Variants in NAV3 observed in about 807,000 individuals in gnomAD.
NAV3 encodes the protein neuron navigator 3.
NAV3 carries 87 observed loss-of-function variants against 244.7 expected under a neutral mutation model. The ratio of observed to expected loss-of-function variants is 0.36; its 90% confidence interval spans 0.30 to 0.42. The LOEUF (loss-of-function observed/expected upper bound fraction) is 0.42. Ranked by LOEUF, NAV3 falls within the 20% of genes least tolerant of loss-of-function variation. The probability of loss-of-function intolerance (pLI) is 1.00; values close to 1 mark genes in which losing one functional copy is unlikely to be tolerated. For missense variants in NAV3, 2,663 were observed against 2,893.3 expected, an observed-to-expected ratio of 0.92 and a Z score of 1.83; for synonymous variants, 1,126 against 1,042.2, an observed-to-expected ratio of 1.08 and a Z score of -1.55.
At chr12:78,190,909 G>A (rs1007187394) in intron 34 of NAV3, among the ~76,000 whole-genome samples, 1 of 152,052 alleles carries the variant, frequency 6.6e-6, no homozygotes, top group African/African-American at 2.4e-5. Flanking sequence ...ATAGTTGATG[G>A]CTAACATATT....
At chr12:78,159,533 G>A (rs1957438711) in intron 23 of NAV3, among the ~76,000 whole-genome samples, 1 of 151,940 alleles carries the variant, frequency 6.6e-6, no homozygotes, top group African/African-American at 2.4e-5. Context: ...GCTGGGCATG[G>A]TGGCGGGTAC....
chr12:77,855,391 A>G (rs1394875829), intron 1 of NAV3, among the ~76,000 whole-genome samples: 4 of 152,218 alleles, frequency 2.6e-5, no homozygotes, highest in African/African-American at 9.6e-5. Flanking sequence ...ACAAAATGAA[A>G]GAAGGTCAGT....
At chr12:78,010,635 A>G (rs899908131) in intron 8 of NAV3, among the ~76,000 whole-genome samples, 3 of 152,120 alleles carry the variant, frequency 2.0e-5, no homozygotes, top group Non-Finnish European at 2.9e-5. Flanking sequence ...TTACTGAGAA[A>G]ATTCTGGTTA....
intron 16 of NAV3, among the ~76,000 whole-genome samples, chr12:78,122,744 A>G (rs565830888): frequency 1.3e-5 from 2 of 152,302 alleles, no homozygotes; most frequent in East Asian, 3.9e-4. Context: ...GATTTGGCTT[A>G]AGCTTCAGAA....
At chr12:77,899,920 C>T (rs1057358698) in intron 1 of NAV3, among the ~76,000 whole-genome samples, 6 of 152,130 alleles carry the variant, frequency 3.9e-5, no homozygotes, top group African/African-American at 4.8e-5. Context: ...TACATGTGCA[C>T]GCTTGTTACA....
At chr12:77,942,966 T>C (rs1890017251) in intron 3 of NAV3, among the ~76,000 whole-genome samples, 1 of 152,192 alleles carries the variant, frequency 6.6e-6, no homozygotes, top group Admixed American at 6.5e-5. Context: ...TGTTGAATAA[T>C]ATAAAACATT....
chr12:77,671,179 C>T (rs1028615974), intron 2 of NAV3, among the ~76,000 whole-genome samples: 6 of 151,916 alleles, frequency 3.9e-5, no homozygotes, highest in Non-Finnish European at 7.4e-5. Flanking sequence ...AACTCAACAC[C>T]TTTTACAAGG....
At chr12:78,121,821 A>G (rs1369719254) in intron 15 of NAV3, 119 bp from the exon 16 acceptor site, 1 of 1,250,034 alleles carries the variant, frequency 8.0e-7, no homozygotes, top group Non-Finnish European at 1.1e-6. Context: ...TAGAGACAGG[A>G]AGTGCTTTGT....
intron 21 of NAV3, 54 bp from the exon 22 acceptor site, chr12:78,148,788 G>A: frequency 1.3e-6 from 2 of 1,515,454 alleles, no homozygotes; most frequent in Non-Finnish European, 1.8e-6. Flanking sequence ...TGAATTCTGG[G>A]TTTTAAGTAA....
chr12:78,043,848 A>T (rs1386307630), intron 9 of NAV3, among the ~76,000 whole-genome samples: 2 of 152,188 alleles, frequency 1.3e-5, no homozygotes, highest in African/African-American at 4.8e-5. Context: ...TCAGATGGAT[A>T]GATTGCAAAA....
chr12:78,046,555 T>C (rs1359763617), intron 9 of NAV3, among the ~76,000 whole-genome samples: 2 of 152,230 alleles, frequency 1.3e-5, no homozygotes, highest in Non-Finnish European at 2.9e-5. Flanking sequence ...GTCAGTTTCT[T>C]AACCCTAAGT....
At chr12:77,768,754 C>T (rs1273961804) in intron 2 of NAV3, among the ~76,000 whole-genome samples, 2 of 152,194 alleles carry the variant, frequency 1.3e-5, no homozygotes, top group African/African-American at 2.4e-5. Flanking sequence ...GGGCTCCTGC[C>T]CTGCAATCTC....
chr12:77,778,595 G>A (rs924600654), intron 2 of NAV3, among the ~76,000 whole-genome samples: 12 of 143,784 alleles, frequency 8.3e-5, no homozygotes, highest in African/African-American at 3.1e-4. Context: ...CTGGGCAACA[G>A]AGCGAGACTC....
intron 2 of NAV3, among the ~76,000 whole-genome samples, chr12:77,788,696 T>C (rs1246315946): frequency 5.9e-5 from 9 of 151,792 alleles, no homozygotes; most frequent in African/African-American, 2.2e-4. Context: ...CCTTCTATTA[T>C]GTAGAATTTG....
chr12:77,760,826 C>A (rs5019250), intron 2 of NAV3, among the ~76,000 whole-genome samples: 1 of 151,872 alleles, frequency 6.6e-6, no homozygotes, highest in Non-Finnish European at 1.5e-5. Context: ...CAGGCAATTA[C>A]GAGTACTAGG....
At chr12:77,740,248 A>G (rs1592636267) in intron 2 of NAV3, among the ~76,000 whole-genome samples, 2 of 152,254 alleles carry the variant, frequency 1.3e-5, no homozygotes, top group Admixed American at 6.5e-5. Flanking sequence ...TTCAGTTCCT[A>G]TATTTGGAAT....
chr12:77,725,459 C>G (rs1319216780), intron 2 of NAV3, among the ~76,000 whole-genome samples: 2 of 148,956 alleles, frequency 1.3e-5, no homozygotes, highest in Admixed American at 1.4e-4. Context: ...ATTTAACATG[C>G]CTTTGCAAGT....
rs141433506 is a variant in NAV3, at chr12:77,867,568, C to T, written c.243+35864C>T. On this transcript the variant is annotated intron_variant, in intron 1 of 39. Coordinates refer to ENST00000397909, the MANE Select transcript of NAV3 (RefSeq NM_001024383.2). ...CCAAGTAGCTGGGACTACAAGCGCCCGCCACCACGCCCGGCTAATTTTTTT... is the reference window on the plus strand; with the variant it reads ...CCAAGTAGCTGGGACTACAAGCGCCTGCCACCACGCCCGGCTAATTTTTTT... Among the ~76,000 whole-genome samples the T allele has an allele frequency of 2.6e-3, 402 of 152,026 alleles. 4 individuals carry two copies. The highest frequency in any genetic ancestry group is 9.0e-3 in the African/African-American group (373 of 41,460).
chr12:77,939,878 C>G (rs778259709), intron 1 of NAV3, among the ~76,000 whole-genome samples: 1 of 152,152 alleles, frequency 6.6e-6, no homozygotes, highest in Non-Finnish European at 1.5e-5. Context: ...CATACAGTAT[C>G]TCACATGACA....
Sources: allele counts gnomAD v4.1 joint callset (sites outside exome capture counted in the v4.1 genomes callset), GRCh38; gene constraint gnomAD v4.1.1; transcripts MANE v1.5; gene names NCBI Gene and HGNC (gene_info 2026-07-23, HGNC 2026-07-21).